Variants in CNTN5 observed in about 807,000 individuals in gnomAD.
CNTN5 encodes the protein contactin 5.
In CNTN5, 77 loss-of-function variants were observed where a neutral mutation model predicts 129.1. The ratio of observed to expected loss-of-function variants is 0.60; its 90% CI spans 0.50 to 0.72. The LOEUF is 0.72. Among genes scored for constraint, CNTN5 ranks in the 30% least tolerant of loss-of-function variants. The probability of loss-of-function intolerance (pLI) is 0.00; values close to 1 mark genes in which losing one functional copy is unlikely to be tolerated. For missense variants in CNTN5, 1,478 were observed against 1,328.8 expected (o/e 1.11, Z -1.75); for synonymous variants, 509 against 465.6 (o/e 1.09, Z -1.20).
chr11:100,280,545 TCC>T (rs1950614626), intron 18 of CNTN5, among the ~76,000 whole-genome samples: 1 of 152,104 alleles, frequency 6.6e-6, no homozygotes, highest in Non-Finnish European at 1.5e-5. Flanking sequence ...TGTTTTTCTA[TCC>T]CTGTGTTTTC....
chr11:99,624,016 A>G (rs1387237838), intron 3 of CNTN5, among the ~76,000 whole-genome samples: 1 of 152,134 alleles, frequency 6.6e-6, no homozygotes, highest in Non-Finnish European at 1.5e-5. Flanking sequence ...ATAAAATTGT[A>G]TCTCAATATA....
chr11:99,659,344 A>G (rs563637646), intron 3 of CNTN5, among the ~76,000 whole-genome samples: 2 of 152,250 alleles, frequency 1.3e-5, no homozygotes, highest in East Asian at 1.9e-4. Flanking sequence ...CAGGTTTTCT[A>G]TCTTTGGATA....
chr11:99,577,752 T>C (rs2135596840), intron 3 of CNTN5, among the ~76,000 whole-genome samples: 1 of 152,206 alleles, frequency 6.6e-6, no homozygotes, highest in Middle Eastern at 3.4e-3. Flanking sequence ...TTATTGCTTC[T>C]AAAATGTTTA....
chr11:99,799,450 A>G (rs1034033167), intron 3 of CNTN5, among the ~76,000 whole-genome samples: 13 of 151,790 alleles, frequency 8.6e-5, no homozygotes, highest in Non-Finnish European at 2.9e-5. Flanking sequence ...GAGAGTTTTT[A>G]TCATGAAGCA....
chr11:99,111,425 G>C (rs1208963910), intron 1 of CNTN5, among the ~76,000 whole-genome samples: 5 of 151,972 alleles, frequency 3.3e-5, no homozygotes, highest in Non-Finnish European at 5.9e-5. Flanking sequence ...AAGAAAAGAA[G>C]GACATTTGAA....
intron 6 of CNTN5, among the ~76,000 whole-genome samples, chr11:99,899,356 G>A (rs898038103): frequency 6.6e-6 from 1 of 152,090 alleles, no homozygotes; most frequent in Non-Finnish European, 1.5e-5. Flanking sequence ...GATGTTGCCT[G>A]TAGTTTGTCA....
chr11:99,530,902 T>C (rs1013515579), intron 2 of CNTN5, among the ~76,000 whole-genome samples: 1 of 152,212 alleles, frequency 6.6e-6, no homozygotes, highest in Non-Finnish European at 1.5e-5. Flanking sequence ...TTCCCACTGT[T>C]GGGCATGTCT....
At position 99,780,924 on chromosome 11, in the gene CNTN5, T is replaced by C. The variant is rs115863813; in HGVS notation, c.56-38620T>C. On this transcript the variant is annotated intron_variant, in intron 3 of 24. Transcript: ENST00000524871. ...TGGGCTTAATTTATAGATAACTTTG[T>C]AGATCAGGAAGGGAAAGGGAAGCTG... is the stretch of plus-strand genomic sequence containing the variant. 4.0e-3 allele frequency among the ~76,000 whole-genome samples: 602 copies of C among 152,088 alleles called. 7 individuals are homozygous for C. Among genetic ancestry groups the C allele is most frequent in the African/African-American group, 0.013 (540 of 41,524 alleles).
chr11:99,679,157 C>A (rs557895349), intron 3 of CNTN5, among the ~76,000 whole-genome samples: 81 of 144,708 alleles, frequency 5.6e-4, no homozygotes, highest in Non-Finnish European at 9.8e-4. Context: ...TACATATAAC[C>A]TCTATATAGG....
At chr11:100,109,707 T>G (rs1359284122) in intron 13 of CNTN5, among the ~76,000 whole-genome samples, 1 of 152,228 alleles carries the variant, frequency 6.6e-6, no homozygotes, top group Non-Finnish European at 1.5e-5. Flanking sequence ...AAAAGTATTA[T>G]GCACTTAACG....
chr11:99,600,356 T>C (rs557386878), intron 3 of CNTN5, among the ~76,000 whole-genome samples: 1 of 152,316 alleles, frequency 6.6e-6, no homozygotes, highest in Non-Finnish European at 1.5e-5. Context: ...AAATAGGATG[T>C]TGTGAGCTAA....
chr11:99,744,436 C>T (rs1048102421), intron 3 of CNTN5, among the ~76,000 whole-genome samples: 2 of 149,632 alleles, frequency 1.3e-5, no homozygotes, highest in African/African-American at 4.9e-5. Context: ...CCCTGTGGCT[C>T]ATGCCTGTAA....
In CNTN5 at chr11:99,791,040, T is replaced by G. The variant is rs530399723; in HGVS notation, c.56-28504T>G. Among the ~76,000 whole-genome samples, 22 of 152,226 alleles carry G rather than the reference T, an allele frequency of 1.4e-4. No homozygotes were observed. The South Asian group carries it at 3.9e-3, about 27-fold the overall frequency. On this transcript the variant is annotated intron_variant, in intron 3 of 24. Transcript: ENST00000524871. ...ATTACTTTTTCAGTTTCTTATAGATTATTAGACCTTAGTCAGATGCATAGT... is the reference window on the plus strand; with the variant it reads ...ATTACTTTTTCAGTTTCTTATAGATGATTAGACCTTAGTCAGATGCATAGT...
At chr11:99,857,762 C>T (rs1473163636) in intron 6 of CNTN5, among the ~76,000 whole-genome samples, 2 of 151,938 alleles carry the variant, frequency 1.3e-5, no homozygotes, top group Non-Finnish European at 2.9e-5. Flanking sequence ...AGATGTGATC[C>T]TAAGTGCAGA....
chr11:99,613,892 G>T (rs371417812), intron 3 of CNTN5, among the ~76,000 whole-genome samples: 1 of 152,030 alleles, frequency 6.6e-6, no homozygotes, highest in Non-Finnish European at 1.5e-5. Flanking sequence ...TTTATGTTTG[G>T]CTAATTTTAG....
At chr11:100,057,359 A>G (rs1943278953) in intron 9 of CNTN5, among the ~76,000 whole-genome samples, 2 of 151,182 alleles carry the variant, frequency 1.3e-5, no homozygotes, top group Admixed American at 1.3e-4. Flanking sequence ...TTAGAGACCA[A>G]TAAAATAGAC....
intron 13 of CNTN5, among the ~76,000 whole-genome samples, chr11:100,174,603 A>AGG (rs1947909295): frequency 6.6e-6 from 1 of 152,138 alleles, no homozygotes; most frequent in Non-Finnish European, 1.5e-5. Flanking sequence ...TGTGACGAAT[A>AGG]CCTTGTAGAG....
Position 100,340,528 on chromosome 11 carries a change from G to A in CNTN5, c.2796G>A (p.Glu932=). Residue 932 remains glutamate (E), a synonymous_variant, in exon 22 of 25, where the codon GAG becomes GAA. Coordinates refer to ENST00000524871, the MANE Select transcript of CNTN5 (RefSeq NM_014361.4). ...AAACAGTCAAAACTAGAGGGAATGA[G>A]TCTTTCGTCATCCTAACAGGATTAG... ...TAETVKTRGN[E]SFVILTGLEG... The A allele has an allele frequency of 6.2e-7, 1 of 1,613,190 alleles. No homozygotes were observed. Among genetic ancestry groups the A allele is most frequent in the Non-Finnish European group, 8.5e-7 (1 of 1,179,448 alleles).
chr11:99,439,721 A>AAAG (rs759472639), intron 2 of CNTN5, among the ~76,000 whole-genome samples: 23,457 of 145,598 alleles, frequency 0.16, 2,411 homozygotes, highest in Admixed American at 0.21. Flanking sequence ...AAAAAAAAAA[A>AAAG]AAAAGAAAAA....
Sources: gnomAD v4.1 joint callset for allele counts (sites outside exome capture counted in the v4.1 genomes callset) on GRCh38, gnomAD v4.1.1 for gene constraint, MANE v1.5 for transcripts, NCBI Gene and HGNC (gene_info 2026-07-23, HGNC 2026-07-21) for gene names.